Variants in ABCC3 observed in about 807,000 individuals in gnomAD.
ABCC3 encodes the protein ATP binding cassette subfamily C member 3.
Under a neutral mutation model 165.3 loss-of-function variants are expected in ABCC3, and 121 were observed. That is an observed-to-expected ratio of 0.73 (90% CI 0.63 to 0.85). The LOEUF is 0.85. Ranked by LOEUF, ABCC3 falls within the 40% of genes least tolerant of loss-of-function variation. The pLI, the probability that ABCC3 is intolerant of heterozygous loss-of-function variation, is 0.00. For synonymous variants in ABCC3, 733 were observed against 810.1 expected, an observed-to-expected ratio of 0.90 and a Z score of 1.62; for missense variants, 1,869 against 1,964.1, an observed-to-expected ratio of 0.95 and a Z score of 0.92.
chr17:50,660,500 C>G (rs1978153), intron 7 of ABCC3, among the ~76,000 whole-genome samples: 63,200 of 151,954 alleles, frequency 0.42, 13,276 homozygotes, highest in South Asian at 0.55. Context: ...GGAGCCTCCA[C>G]GAAGACCTAT....
intron 1 of ABCC3, among the ~76,000 whole-genome samples, chr17:50,641,843 C>T (rs897965539): frequency 2.6e-5 from 4 of 152,022 alleles, no homozygotes; most frequent in African/African-American, 7.2e-5. Context: ...CCCAGAAGTT[C>T]GAGACCAGTC....
chr17:50,660,997 C>T lies in ABCC3; in HGVS notation c.881C>T (p.Pro294Leu). ...DEVLLGARPR[P>L]RKPSFLKALL... Reference sequence around the variant, plus strand: ...GTGCTGCTGGGTGCCCGGCCCAGGCCCCGGAAGCCCTCCTTCCTGAAGGCC... The same window carrying T: ...GTGCTGCTGGGTGCCCGGCCCAGGCTCCGGAAGCCCTCCTTCCTGAAGGCC... Residue 294 changes from proline (P) to leucine (L), a missense_variant, in exon 8 of 31, where the codon CCC becomes CTC. Pro to Leu is a moderately conservative substitution (Grantham distance 98, BLOSUM62 -3). Coordinates refer to ENST00000285238, the MANE Select transcript of ABCC3 (RefSeq NM_003786.4). 6.2e-7 allele frequency: 1 copy of T among 1,614,096 alleles called. No homozygotes were observed. The highest frequency in any genetic ancestry group is 1.7e-5 in the Admixed American group (1 of 60,036).
chr17:50,677,959 C>G lies in ABCC3; in HGVS notation c.3578+16C>G. ...TCTCCAACCGGTCAGAAGCCGCCTCCCTCGCTCCCTGCTCCTCCAGGAATT... is the reference window on the plus strand; with the variant it reads ...TCTCCAACCGGTCAGAAGCCGCCTCGCTCGCTCCCTGCTCCTCCAGGAATT... On this transcript the variant is annotated intron_variant, in intron 24 of 30. Transcript: ENST00000285238. 6.2e-7 allele frequency: 1 copy of G among 1,614,150 alleles called. No individual in the cohort carries two copies. Among genetic ancestry groups the G allele is most frequent in the Non-Finnish European group, 8.5e-7 (1 of 1,180,020 alleles).
chr17:50,637,478 T>C (rs1398547568), intron 1 of ABCC3, among the ~76,000 whole-genome samples: 1 of 152,216 alleles, frequency 6.6e-6, no homozygotes, highest in Non-Finnish European at 1.5e-5. Flanking sequence ...CCCTGAACCT[T>C]TACCTTAGGG....
intron 1 of ABCC3, among the ~76,000 whole-genome samples, chr17:50,636,529 C>T (rs1416590817): frequency 1.3e-5 from 2 of 152,206 alleles, no homozygotes; most frequent in Non-Finnish European, 2.9e-5. Flanking sequence ...CACTTGCCAC[C>T]AGGGTCCAGA....
chr17:50,656,864 T>A, intron 3 of ABCC3, 37 bp downstream of exon 3: 1 of 1,582,422 alleles, frequency 6.3e-7, no homozygotes, highest in Non-Finnish European at 8.6e-7. Flanking sequence ...ATGGGGGAGG[T>A]CTCCATTGGG....
intron 30 of ABCC3, among the ~76,000 whole-genome samples, chr17:50,688,055 GCGTGCACCACCACATC>G (rs1968055822): frequency 6.6e-6 from 1 of 151,948 alleles, no homozygotes; most frequent in Admixed American, 6.6e-5. Context: ...GGGATTACAG[GCGTGCACCACCACATC>G]CGGCTAATTT....
rs764949170 is a variant in ABCC3 at position 50,661,129 on chromosome 17, C to T, written c.998+15C>T. The T allele has an allele frequency of 7.5e-5, 120 of 1,604,544 alleles. No individual in the cohort carries two copies. Among genetic ancestry groups the T allele is most frequent in the Admixed American group, 2.0e-4 (12 of 59,382 alleles). ...CAGCTGCTCAGGTCTCTCCACACTC[C>T]GGCTCACTATAGCCCTGCCCTGGGC... is the stretch of plus-strand genomic sequence containing the variant. On this transcript the variant is annotated intron_variant, in intron 8 of 30. Coordinates refer to ENST00000285238, the MANE Select transcript of ABCC3 (RefSeq NM_003786.4).
At chr17:50,671,704 T>TTTTTTC (rs1967650269) in intron 17 of ABCC3, among the ~76,000 whole-genome samples, 1 of 82,982 alleles carries the variant, frequency 1.2e-5, no homozygotes, top group Non-Finnish European at 2.1e-5. Context: ...CTTCCTTCCT[T>TTTTTTC]TTTTTTTTTT....
chr17:50,661,155 A>T (rs374283303), intron 8 of ABCC3, 41 bp downstream of exon 8: 64 of 1,525,380 alleles, frequency 4.2e-5, no homozygotes, highest in Non-Finnish European at 5.7e-5. Flanking sequence ...TGCCCTGGGC[A>T]GCAGGGCTGG....
Position 50,675,734 on chromosome 17 carries a change from G to A in ABCC3, c.2818G>A (p.Asp940Asn), listed in dbSNP as rs543103216. The A allele has an allele frequency of 1.7e-5, 27 of 1,563,718 alleles. No homozygotes were observed. The highest frequency in any genetic ancestry group is 1.2e-4 in the African/African-American group (9 of 73,886). Reference protein sequence around the residue: ...EKVQVTEAKADGALTQEEKAA... With the variant: ...EKVQVTEAKANGALTQEEKAA... Reference sequence around the variant, plus strand: ...GGTGCAGGTGACAGAGGCGAAGGCAGATGGGGCACTGACCCAGGAGGAGAA... The same window carrying A: ...GGTGCAGGTGACAGAGGCGAAGGCAAATGGGGCACTGACCCAGGAGGAGAA... Residue 940 changes from aspartate to asparagine, a missense_variant, in exon 21 of 31, where the codon GAT (aspartate) becomes AAT (asparagine). Coordinates refer to ENST00000285238, the MANE Select transcript of ABCC3 (RefSeq NM_003786.4).
chr17:50,655,652 G>A (rs531734645), intron 1 of ABCC3, among the ~76,000 whole-genome samples, 180 bp from the exon 2 acceptor site: 3 of 152,050 alleles, frequency 2.0e-5, no homozygotes, highest in Non-Finnish European at 4.4e-5. Context: ...CAGCCATGGC[G>A]TCCTTGGAGA....
At chr17:50,642,638 CTG>C (rs1192249082) in intron 1 of ABCC3, among the ~76,000 whole-genome samples, 2 of 152,232 alleles carry the variant, frequency 1.3e-5, no homozygotes, top group Non-Finnish European at 2.9e-5. Context: ...CAGGTGGAGA[CTG>C]AGGTTCAAGG....
intron 2 of ABCC3, 25 bp downstream of exon 2, chr17:50,656,033 C>A (rs368096023): frequency 1.2e-6 from 2 of 1,604,652 alleles, no homozygotes; most frequent in South Asian, 1.1e-5. Context: ...GATCTCCTAC[C>A]GATGGGGCTG....
chr17:50,684,112 G>T lies in ABCC3; in HGVS notation c.4113+5G>T. 6.2e-7 allele frequency: 1 copy of T among 1,612,524 alleles called. No individual in the cohort carries two copies. The highest frequency in any genetic ancestry group is 1.7e-5 in the Admixed American group (1 of 59,808). On this transcript the variant is annotated splice_donor_5th_base_variant and intron_variant, in intron 28 of 30. Coordinates refer to ENST00000285238, the MANE Select transcript of ABCC3 (RefSeq NM_003786.4). ...CAGCTGACCATCATCCCGCAGGTAG[G>T]AGCCTGGCATGGGCTGGCCACACTC...
At chr17:50,636,532 G>C (rs564275553) in intron 1 of ABCC3, among the ~76,000 whole-genome samples, 96 of 152,276 alleles carry the variant, frequency 6.3e-4, no homozygotes, top group African/African-American at 2.2e-3. Flanking sequence ...TTGCCACCAG[G>C]GTCCAGAGGT....
intron 5 of ABCC3, 24 bp from the exon 6 acceptor site, chr17:50,658,411 C>T (rs1223370524): frequency 1.2e-6 from 2 of 1,611,220 alleles, no homozygotes; most frequent in South Asian, 2.2e-5. Context: ...CCTGATTCCC[C>T]CGTCCTATTC....
At position 50,669,243 on chromosome 17, in the gene ABCC3, C is replaced by A. The variant is rs747374991; in HGVS notation, c.2041C>A (p.Leu681Ile). 6.2e-7 allele frequency: 1 copy of A among 1,613,966 alleles called. No individual in the cohort carries two copies. Reference sequence around the variant, plus strand: ...TGCCCTGCTGGGAGAGATGGAGAAGCTAGAAGGCAAAGTGCACATGAAGGT... The same window carrying A: ...TGCCCTGCTGGGAGAGATGGAGAAGATAGAAGGCAAAGTGCACATGAAGGT... ...VSALLGEMEK[L>I]EGKVHMKGSV... Residue 681 changes from leucine to isoleucine, a missense_variant, in exon 16 of 31, where the codon CTA becomes ATA. Coordinates refer to ENST00000285238, the MANE Select transcript of ABCC3 (RefSeq NM_003786.4).
rs1261012313 is a variant in ABCC3, at chr17:50,692,123, A to G, written c.*923A>G. ...CCAAGTCATTCATTTTCCTCAGTCT[A>G]GCCAAAGCTGAATGTGTGAGCACAA... On this transcript the variant is annotated 3_prime_UTR_variant, in exon 31 of 31. Transcript: ENST00000285238. 1 of 152,290 alleles carries G rather than the reference A, an allele frequency of 6.6e-6. No individual in the cohort carries two copies. The highest frequency in any genetic ancestry group is 1.9e-4 in the East Asian group (1 of 5,202). 9.4% of individuals were successfully genotyped at this position (152,290 alleles called of 1,614,324 possible). A position where few individuals can be genotyped will look rare whatever the true frequency, so the allele number is the denominator to read the frequency against.
Sources: gnomAD v4.1 joint callset for allele counts (sites outside exome capture counted in the v4.1 genomes callset) on GRCh38, gnomAD v4.1.1 for gene constraint, MANE v1.5 for transcripts, NCBI Gene and HGNC (gene_info 2026-07-23, HGNC 2026-07-21) for gene names.